Variants in CNTN6 observed in about 807,000 individuals in gnomAD.
CNTN6 encodes contactin-6.
CNTN6 carries 137 observed loss-of-function variants against 122.8 expected under a neutral mutation model. That is an observed-to-expected ratio of 1.12 (90% CI 0.97 to 1.29). The LOEUF is 1.29. Among genes scored for constraint, CNTN6 ranks in the 50% most tolerant of loss-of-function variants. The pLI is 0.00. For synonymous variants in CNTN6, 570 were observed against 426.0 expected, an observed-to-expected ratio of 1.34 and a Z score of -4.16; for missense variants, 1,634 against 1,223.4, an observed-to-expected ratio of 1.34 and a Z score of -5.01.
chr3:1,374,587 A>G (rs1709590723), intron 16 of CNTN6, among the ~76,000 whole-genome samples: 2 of 152,088 alleles, frequency 1.3e-5, no homozygotes, highest in South Asian at 2.1e-4. Context: ...TAATTGGTTC[A>G]CTGAACAGCA....
In CNTN6 at chr3:1,354,923, G is replaced by C. The variant is rs1478731577; in HGVS notation, c.1492+2472G>C. Among the ~76,000 whole-genome samples, 40 of 151,422 alleles carry C rather than the reference G, an allele frequency of 2.6e-4. No individual in the cohort carries two copies. In the Admixed American group the frequency reaches 2.6e-3, roughly 10 times the overall value. ...TCGATCACCTCACTCTCCTAAGGGGGTACAAGCCTGAACCTACATCGAAAT... is the reference window on the plus strand; with the variant it reads ...TCGATCACCTCACTCTCCTAAGGGGCTACAAGCCTGAACCTACATCGAAAT... On this transcript the variant is annotated intron_variant, in intron 12 of 22. Transcript: ENST00000446702.
intron 2 of CNTN6, among the ~76,000 whole-genome samples, chr3:1,196,681 C>T (rs2093783119): frequency 6.6e-6 from 1 of 152,052 alleles, no homozygotes; most frequent in Non-Finnish European, 1.5e-5. Flanking sequence ...AAAATAAATG[C>T]TTCATACTCA....
intron 7 of CNTN6, among the ~76,000 whole-genome samples, chr3:1,311,306 TAC>T (rs1194409894): frequency 1.9e-4 from 28 of 144,450 alleles, no homozygotes; most frequent in African/African-American, 6.6e-4. Context: ...TACGTATATG[TAC>T]ATATAAAATG....
At chr3:1,158,914 A>T (rs2093053217) in intron 2 of CNTN6, among the ~76,000 whole-genome samples, 1 of 123,048 alleles carries the variant, frequency 8.1e-6, no homozygotes, top group African/African-American at 3.3e-5. Flanking sequence ...ATATATATAC[A>T]CACACATATA....
intron 4 of CNTN6, among the ~76,000 whole-genome samples, chr3:1,269,372 C>T (rs1408719267): frequency 6.6e-6 from 1 of 152,204 alleles, no homozygotes; most frequent in Admixed American, 6.5e-5. Context: ...ATGCTACCTA[C>T]ATCACCTTCC....
chr3:1,391,437 C>T (rs1694129612), intron 20 of CNTN6, among the ~76,000 whole-genome samples: 1 of 91,830 alleles, frequency 1.1e-5, no homozygotes, highest in Non-Finnish European at 2.0e-5. Context: ...GACAAACCCA[C>T]AGCCAATATC....
At chr3:1,137,814 G>T (rs1244325855) in intron 1 of CNTN6, among the ~76,000 whole-genome samples, 5 of 152,116 alleles carry the variant, frequency 3.3e-5, no homozygotes, top group Non-Finnish European at 7.3e-5. Flanking sequence ...AGACTGTTTA[G>T]GTTTCAAAGC....
intron 4 of CNTN6, among the ~76,000 whole-genome samples, chr3:1,251,675 A>T (rs1485527704): frequency 2.6e-5 from 4 of 152,000 alleles, no homozygotes; most frequent in African/African-American, 7.3e-5. Context: ...ATGTTGCCTG[A>T]CATTAAGTCA....
At chr3:1,151,569 A>T (rs1235471696) in intron 2 of CNTN6, among the ~76,000 whole-genome samples, 2 of 152,210 alleles carry the variant, frequency 1.3e-5, no homozygotes, top group East Asian at 3.8e-4. Flanking sequence ...CTAAATGAAT[A>T]AAAGAAAGCA....
intron 1 of CNTN6, among the ~76,000 whole-genome samples, chr3:1,118,828 T>G (rs2091832489): frequency 6.6e-6 from 1 of 151,996 alleles, no homozygotes; most frequent in South Asian, 2.1e-4. Context: ...ACCTTGGTGT[T>G]AATAAGATGG....
chr3:1,343,938 T>C (rs1704261810), intron 11 of CNTN6, among the ~76,000 whole-genome samples: 1 of 152,160 alleles, frequency 6.6e-6, no homozygotes, highest in Admixed American at 6.5e-5. Context: ...CCTTAGCTTT[T>C]ACAGCATATT....
chr3:1,228,082 G>A (rs957602186), intron 4 of CNTN6, 89 bp downstream of exon 4: 8 of 1,266,296 alleles, frequency 6.3e-6, no homozygotes, highest in Non-Finnish European at 8.9e-6. Context: ...CTTTGCCAAT[G>A]ATATATTTGA....
intron 11 of CNTN6, among the ~76,000 whole-genome samples, chr3:1,332,495 A>AAGGAAGGAAGG (rs1702434730): frequency 2.5e-5 from 3 of 118,552 alleles, no homozygotes; most frequent in Admixed American, 9.3e-5. Context: ...AGGAAGGAAA[A>AAGGAAGGAAGG]AAGGAAGGAA....
intron 1 of CNTN6, among the ~76,000 whole-genome samples, chr3:1,100,806 T>C (rs1002271335): frequency 6.6e-6 from 1 of 152,160 alleles, no homozygotes; most frequent in African/African-American, 2.4e-5. Context: ...TTCTTAATAG[T>C]TTCTCTCCCA....
At chr3:1,358,814 T>C (rs974611059) in intron 12 of CNTN6, among the ~76,000 whole-genome samples, 1 of 152,062 alleles carries the variant, frequency 6.6e-6, no homozygotes, top group African/African-American at 2.4e-5. Context: ...CTCATGCCTG[T>C]AATCCCAGCA....
chr3:1,135,819 G>A (rs13061007), intron 1 of CNTN6, among the ~76,000 whole-genome samples: 3 of 151,862 alleles, frequency 2.0e-5, no homozygotes, highest in Non-Finnish European at 4.4e-5. Context: ...ACAGTGAAAC[G>A]AGTCTCTACT....
intron 4 of CNTN6, among the ~76,000 whole-genome samples, chr3:1,242,251 G>A (rs894540969): frequency 3.3e-5 from 5 of 152,150 alleles, no homozygotes; most frequent in African/African-American, 1.2e-4. Flanking sequence ...AAGAGAGGCT[G>A]GGACGAGGGG....
chr3:1,263,765 A>T (rs2094884519), intron 4 of CNTN6, among the ~76,000 whole-genome samples: 1 of 151,982 alleles, frequency 6.6e-6, no homozygotes, highest in South Asian at 2.1e-4. Flanking sequence ...CGTGAAGCTT[A>T]TGGTCTATTT....
chr3:1,402,674 G>T lies in CNTN6; in HGVS notation c.2986+188G>T, dbSNP rs1560055295. On this transcript the variant is annotated intron_variant, in intron 22 of 22. Transcript: ENST00000446702. ...AAAATTATAACATACACTATAAATG[G>T]TTTTATGCTTCCTCATTTGAAAACC... is the stretch of plus-strand genomic sequence containing the variant. 9.1e-6 allele frequency: 4 copies of T among 441,734 alleles called. No homozygotes were observed. In the East Asian group the frequency reaches 1.4e-4, roughly 15 times the overall value. 27.4% of individuals were successfully genotyped at this position (441,734 alleles called of 1,614,324 possible).
Sources: gnomAD v4.1 joint callset for allele counts (sites outside exome capture counted in the v4.1 genomes callset) on GRCh38, gnomAD v4.1.1 for gene constraint, MANE v1.5 for transcripts, NCBI Gene and HGNC (gene_info 2026-07-23, HGNC 2026-07-21) for gene names.